Variants in CNTN5 observed in about 807,000 individuals in gnomAD.
CNTN5 encodes the protein contactin 5.
A neutral mutation model predicts 129.1 loss-of-function variants in CNTN5; 77 were observed. The ratio of observed to expected loss-of-function variants is 0.60; its 90% CI spans 0.50 to 0.72. The LOEUF is 0.72. CNTN5 is among the 30% of genes least tolerant of loss of function. The pLI is 0.00. For synonymous variants in CNTN5, 509 were observed against 465.6 expected, an observed-to-expected ratio of 1.09 and a Z score of -1.20; for missense variants, 1,478 against 1,328.8, an observed-to-expected ratio of 1.11 and a Z score of -1.75.
At chr11:99,540,882 C>T (rs1005545453) in intron 2 of CNTN5, among the ~76,000 whole-genome samples, 4 of 152,094 alleles carry the variant, frequency 2.6e-5, no homozygotes, top group South Asian at 2.1e-4. Flanking sequence ...CAAATTATAA[C>T]GAATTTAGAA....
At chr11:100,210,292 G>T (rs987089145) in intron 15 of CNTN5, among the ~76,000 whole-genome samples, 1 of 148,162 alleles carries the variant, frequency 6.7e-6, no homozygotes, top group Admixed American at 6.8e-5. Flanking sequence ...AGAGGTTGCC[G>T]TGAGCCAAGA....
At chr11:99,463,167 G>A (rs939252327) in intron 2 of CNTN5, among the ~76,000 whole-genome samples, 22 of 114,266 alleles carry the variant, frequency 1.9e-4, no homozygotes, top group Admixed American at 2.8e-4. Context: ...GTCCAGGCGC[G>A]GTGACTCATG....
intron 13 of CNTN5, among the ~76,000 whole-genome samples, chr11:100,156,657 T>C (rs1442696869): frequency 6.6e-6 from 1 of 151,952 alleles, no homozygotes; most frequent in Non-Finnish European, 1.5e-5. Flanking sequence ...TGGTAGGCTA[T>C]TAATTTCAGA....
chr11:99,449,323 A>T (rs1944204309), intron 2 of CNTN5, among the ~76,000 whole-genome samples: 1 of 152,204 alleles, frequency 6.6e-6, no homozygotes, highest in African/African-American at 2.4e-5. Context: ...GCCATTAGCT[A>T]AATAGATATT....
intron 6 of CNTN5, among the ~76,000 whole-genome samples, chr11:99,883,236 T>C (rs1162880428): frequency 6.6e-6 from 1 of 152,178 alleles, no homozygotes; most frequent in Admixed American, 6.5e-5. Context: ...TACCAAGCAG[T>C]GGGATTGTTG....
intron 15 of CNTN5, among the ~76,000 whole-genome samples, chr11:100,199,391 C>T (rs2138541226): frequency 6.6e-6 from 1 of 151,976 alleles, no homozygotes; most frequent in South Asian, 2.1e-4. Flanking sequence ...TGAACGCTGG[C>T]AACCTAGTAA....
chr11:99,313,092 C>T (rs927790876), intron 1 of CNTN5, among the ~76,000 whole-genome samples: 1 of 151,148 alleles, frequency 6.6e-6, no homozygotes, highest in Non-Finnish European at 1.5e-5. Flanking sequence ...TGACATCTCA[C>T]GCAATCCAAG....
intron 1 of CNTN5, among the ~76,000 whole-genome samples, chr11:99,248,378 C>G (rs939925360): frequency 2.0e-5 from 3 of 151,966 alleles, no homozygotes; most frequent in African/African-American, 7.2e-5. Context: ...TGTCAGATGA[C>G]TAGATTGCAA....
chr11:100,067,044 G>A (rs973087848), intron 10 of CNTN5, among the ~76,000 whole-genome samples: 18 of 150,776 alleles, frequency 1.2e-4, no homozygotes, highest in Non-Finnish European at 1.8e-4. Flanking sequence ...TTTTTGCCTC[G>A]GACCATATAG....
intron 13 of CNTN5, among the ~76,000 whole-genome samples, chr11:100,165,702 G>T (rs1282751267): frequency 2.0e-5 from 3 of 151,628 alleles, no homozygotes; most frequent in Admixed American, 6.6e-5. Context: ...GAATGAATAA[G>T]GTCTCATGCA....
At chr11:100,126,664 T>G (rs1243995082) in intron 13 of CNTN5, among the ~76,000 whole-genome samples, 1 of 152,134 alleles carries the variant, frequency 6.6e-6, no homozygotes, top group Non-Finnish European at 1.5e-5. Flanking sequence ...ACTTTCAGCC[T>G]ATGTATGTCA....
intron 12 of CNTN5, among the ~76,000 whole-genome samples, chr11:100,072,298 G>A (rs1239529952): frequency 6.6e-6 from 1 of 152,106 alleles, no homozygotes; most frequent in Non-Finnish European, 1.5e-5. Context: ...TCCTCATGGG[G>A]CATCAACTAA....
intron 3 of CNTN5, among the ~76,000 whole-genome samples, chr11:99,571,195 G>A (rs1343622370): frequency 6.6e-6 from 1 of 152,200 alleles, no homozygotes; most frequent in Admixed American, 6.5e-5. Flanking sequence ...GGATGCTATT[G>A]TAGTAGTTGC....
chr11:99,751,222 A>G (rs1356556371), intron 3 of CNTN5, among the ~76,000 whole-genome samples: 1 of 152,202 alleles, frequency 6.6e-6, no homozygotes, highest in Non-Finnish European at 1.5e-5. Context: ...CTGCAATCCT[A>G]GCTACTCAGG....
chr11:99,036,820 TC>T (rs1863758301), intron 1 of CNTN5, among the ~76,000 whole-genome samples: 1 of 152,170 alleles, frequency 6.6e-6, no homozygotes, highest in Non-Finnish European at 1.5e-5. Flanking sequence ...TATTTGAACA[TC>T]CCTTTATGTT....
chr11:99,563,943 A>G (rs774609368), intron 3 of CNTN5, among the ~76,000 whole-genome samples: 23 of 152,226 alleles, frequency 1.5e-4, no homozygotes, highest in Non-Finnish European at 2.9e-4. Context: ...AATCTCTTCA[A>G]GAGAGTAGCT....
chr11:100,034,779 C>A (rs1941894376), intron 9 of CNTN5, among the ~76,000 whole-genome samples: 1 of 152,150 alleles, frequency 6.6e-6, no homozygotes, highest in Non-Finnish European at 1.5e-5. Flanking sequence ...AGTTTGATGA[C>A]CCCTGTCATA....
chr11:99,787,118 T>G (rs1652061475), intron 3 of CNTN5, among the ~76,000 whole-genome samples: 1 of 150,476 alleles, frequency 6.6e-6, no homozygotes, highest in African/African-American at 2.4e-5. Context: ...ATTTATTTAT[T>G]TATTATTATT....
At chr11:99,511,634 A>G (rs1221359775) in intron 2 of CNTN5, among the ~76,000 whole-genome samples, 1 of 151,788 alleles carries the variant, frequency 6.6e-6, no homozygotes, top group Admixed American at 6.6e-5. Flanking sequence ...TCTAATGTTG[A>G]CAGTGGGGTG....
Sources: allele counts gnomAD v4.1 joint callset (sites outside exome capture counted in the v4.1 genomes callset), GRCh38; gene constraint gnomAD v4.1.1; transcripts MANE v1.5; gene names NCBI Gene and HGNC (gene_info 2026-07-23, HGNC 2026-07-21).